MTA3: variants seen among roughly 807,000 people sequenced by gnomAD.
The protein encoded by MTA3 is metastasis-associated protein MTA3.
Under a neutral mutation model 83.5 loss-of-function variants are expected in MTA3, and 34 were observed. That is an observed-to-expected ratio of 0.41 (90% CI 0.31 to 0.54). The LOEUF is 0.54. MTA3 is among the 20% of genes least tolerant of loss of function. MTA3 has a pLI of 0.33. For synonymous variants in MTA3, 303 were observed against 252.7 expected (o/e 1.20, Z -1.89); for missense variants, 761 against 726.4 (o/e 1.05, Z -0.55).
chr2:42,574,048 G>C (rs547459666), intron 2 of MTA3, among the ~76,000 whole-genome samples: 1 of 151,128 alleles, frequency 6.6e-6, no homozygotes, highest in African/African-American at 2.4e-5. Flanking sequence ...GTGTTAGCCA[G>C]GATGGTCTCG....
rs557691847 is a variant in MTA3 at position 42,659,158 on chromosome 2, G to T, written c.603-605G>T. Among the ~76,000 whole-genome samples the T allele has an allele frequency of 2.6e-5, 4 of 152,074 alleles. No homozygotes were observed. In the East Asian group the frequency reaches 7.7e-4, roughly 29 times the overall value. ...CATAGCAAACATGTTTAAAATACAG[G>T]CAGGAAAAGCAGTGAGTCTTCATTT... On this transcript the variant is annotated intron_variant, in intron 7 of 16. Transcript: ENST00000405094.
intron 3 of MTA3, among the ~76,000 whole-genome samples, chr2:42,583,115 T>C (rs1228521130): frequency 6.6e-6 from 1 of 152,226 alleles, no homozygotes; most frequent in Non-Finnish European, 1.5e-5. Context: ...GATGTGAGGA[T>C]TATGACATAA....
chr2:42,527,052 C>CAAAAAAAA (rs34030475), intron 2 of MTA3, among the ~76,000 whole-genome samples: 2 of 45,330 alleles, frequency 4.4e-5, no homozygotes, highest in Admixed American at 2.9e-4. Flanking sequence ...GACTCTGTCT[C>CAAAAAAAA]AAAAAAAAAA....
chr2:42,603,916 A>G (rs1263007674), intron 3 of MTA3, among the ~76,000 whole-genome samples: 2 of 151,980 alleles, frequency 1.3e-5, no homozygotes, highest in African/African-American at 4.8e-5. Flanking sequence ...TCACCTGGCT[A>G]ATTTTTCTAT....
chr2:42,603,951 G>T (rs1296252867), intron 3 of MTA3, among the ~76,000 whole-genome samples: 1 of 152,202 alleles, frequency 6.6e-6, no homozygotes, highest in African/African-American at 2.4e-5. Context: ...GAGCTTCATT[G>T]TGTTAGCCAG....
intron 4 of MTA3, among the ~76,000 whole-genome samples, chr2:42,628,085 T>C (rs1164802854): frequency 6.6e-6 from 1 of 152,070 alleles, no homozygotes; most frequent in Non-Finnish European, 1.5e-5. Flanking sequence ...GGTTTCACCA[T>C]GTTGGCCAGG....
chr2:42,741,939 A>G (rs1182241548), intron 16 of MTA3, among the ~76,000 whole-genome samples: 2 of 152,236 alleles, frequency 1.3e-5, no homozygotes, highest in African/African-American at 4.8e-5. Flanking sequence ...AGAGTTGCCA[A>G]CAAAGCTTCA....
chr2:42,536,593 C>A (rs1386632789), intron 2 of MTA3, among the ~76,000 whole-genome samples: 1 of 152,170 alleles, frequency 6.6e-6, no homozygotes. Context: ...GGCGTGGTGG[C>A]TCACGCCTGT....
intron 16 of MTA3, among the ~76,000 whole-genome samples, chr2:42,737,761 G>A (rs1668714535): frequency 6.6e-6 from 1 of 152,142 alleles, no homozygotes; most frequent in Non-Finnish European, 1.5e-5. Context: ...GCCCAAAGTC[G>A]CATTGCTAGA....
Position 42,656,061 on chromosome 2 carries a change from G to A in MTA3, c.500-139G>A, listed in dbSNP as rs75174757. 776 of 596,750 alleles carry A rather than the reference G, an allele frequency of 1.3e-3. 4 individuals are homozygous for A. The African/African-American group carries it at 0.013, about 10-fold the overall frequency. 37.0% of individuals were successfully genotyped at this position (596,750 alleles called of 1,614,324 possible). A position where few individuals can be genotyped will look rare whatever the true frequency, so the allele number is the denominator to read the frequency against. On this transcript the variant is annotated intron_variant, in intron 6 of 16. Coordinates refer to ENST00000405094, the MANE Select transcript of MTA3 (RefSeq NM_001330442.2). ...CTTTAACGAGGTGTTGTACATCTAC[G>A]TCTGAAAGAATATGCCAAAACTGTG... is the stretch of plus-strand genomic sequence containing the variant.
intron 8 of MTA3, among the ~76,000 whole-genome samples, chr2:42,660,177 C>T (rs933286012): frequency 1.3e-5 from 2 of 152,032 alleles, no homozygotes; most frequent in Non-Finnish European, 2.9e-5. Context: ...CAACCTCCGC[C>T]TCCTGGGTTC....
intron 3 of MTA3, among the ~76,000 whole-genome samples, chr2:42,580,690 G>A (rs545141002): frequency 2.0e-5 from 3 of 152,092 alleles, no homozygotes; most frequent in African/African-American, 7.2e-5. Context: ...CTGCTTCCCA[G>A]CTTCAAGCGA....
At chr2:42,615,995 C>T (rs1684831571) in intron 4 of MTA3, among the ~76,000 whole-genome samples, 1 of 152,078 alleles carries the variant, frequency 6.6e-6, no homozygotes, top group Non-Finnish European at 1.5e-5. Flanking sequence ...GCTGGGATTA[C>T]AGGCATGAGC....
chr2:42,506,113 A>G (rs1674616931), intron 2 of MTA3, among the ~76,000 whole-genome samples: 1 of 152,022 alleles, frequency 6.6e-6, no homozygotes, highest in Admixed American at 6.6e-5. Context: ...TCATTTTATT[A>G]ATCTCTCCAC....
intron 2 of MTA3, among the ~76,000 whole-genome samples, chr2:42,523,995 C>A (rs1035375029): frequency 1.3e-4 from 19 of 151,922 alleles, no homozygotes; most frequent in Non-Finnish European, 2.4e-4. Context: ...AGAAAAAAAA[C>A]CAGTAACTTA....
intron 8 of MTA3, among the ~76,000 whole-genome samples, chr2:42,674,881 T>C (rs1691192937): frequency 6.6e-6 from 1 of 151,818 alleles, no homozygotes; most frequent in South Asian, 2.1e-4. Context: ...ATTAGAGGCG[T>C]GAGCTACTGC....
chr2:42,556,566 G>A (rs940795952), intron 2 of MTA3, among the ~76,000 whole-genome samples: 1 of 152,178 alleles, frequency 6.6e-6, no homozygotes, highest in African/African-American at 2.4e-5. Flanking sequence ...CACTGGCCGG[G>A]AGTCACTCCC....
intron 3 of MTA3, among the ~76,000 whole-genome samples, chr2:42,581,631 C>T (rs988212073): frequency 1.3e-5 from 2 of 151,536 alleles, no homozygotes; most frequent in African/African-American, 2.4e-5. Flanking sequence ...AGTCCTCCGA[C>T]CTCGGCCTCC....
At chr2:42,747,044 C>T (rs972748717) in intron 16 of MTA3, among the ~76,000 whole-genome samples, 1 of 151,900 alleles carries the variant, frequency 6.6e-6, no homozygotes, top group African/African-American at 2.4e-5. Flanking sequence ...CTCTGTCACC[C>T]AGGCTGGAGT....
Sources: gnomAD v4.1 joint callset for allele counts (sites outside exome capture counted in the v4.1 genomes callset) on GRCh38, gnomAD v4.1.1 for gene constraint, MANE v1.5 for transcripts, NCBI Gene and HGNC (gene_info 2026-07-23, HGNC 2026-07-21) for gene names.